Variants in AHI1 observed in about 807,000 individuals in gnomAD.
The protein encoded by AHI1 is Abelson helper integration site 1, also known as jouberin.
Under a neutral mutation model 149.3 loss-of-function variants are expected in AHI1, and 123 were observed. The ratio of observed to expected loss-of-function variants is 0.82; its 90% CI spans 0.71 to 0.96. The LOEUF is 0.96. Among genes scored for constraint, AHI1 ranks in the 40% least tolerant of loss-of-function variants. The pLI is 0.00. For synonymous variants in AHI1, 475 were observed against 459.8 expected (o/e 1.03, Z -0.42); for missense variants, 1,439 against 1,422.7 (o/e 1.01, Z -0.18).
chr6:135,435,346 C>G (rs1357289060), intron 15 of AHI1: 1 of 152,142 alleles, frequency 6.6e-6, no homozygotes, highest in Non-Finnish European at 1.5e-5. Context: ...CCCAAGATAG[C>G]TTCAAGAAAT....
At chr6:135,398,044 A>G (rs1779474687) in intron 22 of AHI1, among the ~76,000 whole-genome samples, 2 of 147,652 alleles carry the variant, frequency 1.4e-5, no homozygotes, top group South Asian at 2.1e-4. Context: ...AAAGAAACCA[A>G]TAATACCCAG....
At chr6:135,405,057 T>G (rs989365656) in intron 21 of AHI1, 80 bp from the exon 22 acceptor site, 1 of 1,191,138 alleles carries the variant, frequency 8.4e-7, no homozygotes, top group South Asian at 1.3e-5. Flanking sequence ...CAGATGTTTA[T>G]CTTCTAATAA....
At chr6:135,354,611 T>G (rs1792673243) in intron 24 of AHI1, among the ~76,000 whole-genome samples, 2 of 152,176 alleles carry the variant, frequency 1.3e-5, no homozygotes, top group Non-Finnish European at 2.9e-5. Context: ...AACTAACTTT[T>G]ACACCTGCCT....
chr6:135,493,121 C>G (rs1795489473), intron 3 of AHI1: 1 of 263,620 alleles, frequency 3.8e-6, no homozygotes, highest in Admixed American at 6.5e-5. Context: ...GCCTCAGCCT[C>G]CCGAGTGGCT....
intron 5 of AHI1, among the ~76,000 whole-genome samples, chr6:135,483,657 C>A (rs1473784295): frequency 2.6e-5 from 4 of 152,182 alleles, no homozygotes. Flanking sequence ...GAGTATCAAA[C>A]CACTCCAGAC....
intron 24 of AHI1, among the ~76,000 whole-genome samples, chr6:135,337,487 A>C (rs529699416): frequency 6.6e-6 from 1 of 152,288 alleles, no homozygotes; most frequent in South Asian, 2.1e-4. Context: ...GGCCAAGTGC[A>C]GTGGCTCATG....
intron 23 of AHI1, among the ~76,000 whole-genome samples, chr6:135,366,997 A>C (rs1205301183): frequency 1.3e-5 from 2 of 152,214 alleles, no homozygotes; most frequent in South Asian, 2.1e-4. Context: ...TCCAGTTCAA[A>C]GAATTTTTAA....
intron 5 of AHI1, chr6:135,474,674 G>C (rs940797370): frequency 6.6e-5 from 10 of 152,094 alleles, no homozygotes; most frequent in Admixed American, 6.5e-4. Flanking sequence ...CATTTATTGA[G>C]ATGATCTCAT....
At position 135,438,447 on chromosome 6, in the gene AHI1, T is replaced by C. The variant is rs1785749145; in HGVS notation, c.1964A>G (p.Asn655Ser). The part of the protein sequence containing the change: ...RFMRELCGHL[N>S]IIYDLSWSKD... ...TGACCAGGAAAGATCATAAATGATA[T>C]TGAGGTGGCCACACAATTCTCTCAT... Residue 655 changes from asparagine (N) to serine (S), a missense_variant, in exon 15 of 29, where the codon AAT becomes AGT. Transcript: ENST00000265602. 1 of 1,556,828 alleles carries C rather than the reference T, an allele frequency of 6.4e-7. No individual in the cohort carries two copies. Among genetic ancestry groups the C allele is most frequent in the African/African-American group, 1.4e-5 (1 of 73,512 alleles).
At chr6:135,446,111 T>C (rs1439049265) in intron 13 of AHI1, among the ~76,000 whole-genome samples, 2 of 151,762 alleles carry the variant, frequency 1.3e-5, no homozygotes, top group African/African-American at 4.8e-5. Flanking sequence ...TAAAAATCTA[T>C]GTTATCTGAC....
At chr6:135,434,689 T>C (rs1032636920) in intron 15 of AHI1, among the ~76,000 whole-genome samples, 2 of 151,822 alleles carry the variant, frequency 1.3e-5, no homozygotes, top group East Asian at 3.8e-4. Flanking sequence ...AAAATAAATA[T>C]ATAAATGGGT....
chr6:135,405,803 T>C (rs1399306136), intron 21 of AHI1, among the ~76,000 whole-genome samples: 4 of 141,034 alleles, frequency 2.8e-5, no homozygotes, highest in African/African-American at 8.1e-5. Flanking sequence ...GAGGTTGTAG[T>C]GAGCCAAGAT....
intron 13 of AHI1, among the ~76,000 whole-genome samples, chr6:135,444,400 TC>T (rs1403994745): frequency 6.6e-6 from 1 of 152,232 alleles, no homozygotes; most frequent in Non-Finnish European, 1.5e-5. Flanking sequence ...CACTACTTTA[TC>T]TCCTCTTTTA....
intron 23 of AHI1, among the ~76,000 whole-genome samples, chr6:135,365,714 T>C (rs1007597439): frequency 2.0e-5 from 3 of 152,200 alleles, no homozygotes; most frequent in Admixed American, 1.3e-4. Context: ...GCTTTTTGGA[T>C]GAGTCTTTAG....
chr6:135,330,580 C>A (rs777766388), intron 24 of AHI1, among the ~76,000 whole-genome samples: 2 of 152,186 alleles, frequency 1.3e-5, no homozygotes, highest in Non-Finnish European at 2.9e-5. Context: ...CTGTGATATT[C>A]ACGGTATTGC....
chr6:135,480,523 GCTACGTGGGT>G (rs1793450681), intron 5 of AHI1, among the ~76,000 whole-genome samples: 1 of 152,016 alleles, frequency 6.6e-6, no homozygotes, highest in Non-Finnish European at 1.5e-5. Flanking sequence ...CATACTTTGT[GCTACGTGGGT>G]CTTACAGTCT....
intron 8 of AHI1, among the ~76,000 whole-genome samples, chr6:135,458,991 T>C (rs1251200624): frequency 6.6e-6 from 1 of 152,150 alleles, no homozygotes; most frequent in African/African-American, 2.4e-5. Flanking sequence ...GCTGACAGAA[T>C]AAGTAGACCA....
intron 23 of AHI1, among the ~76,000 whole-genome samples, chr6:135,371,872 G>A (rs935798233): frequency 6.6e-6 from 1 of 152,168 alleles, no homozygotes; most frequent in African/African-American, 2.4e-5. Context: ...GGGTAAGCAG[G>A]CTTTTTCCAA....
chr6:135,471,115 T>G (rs1460475135), intron 5 of AHI1, among the ~76,000 whole-genome samples: 1 of 152,028 alleles, frequency 6.6e-6, no homozygotes, highest in Non-Finnish European at 1.5e-5. Context: ...CTGAAAGAAA[T>G]AATTAGAAAA....
Sources: gnomAD v4.1 joint callset for allele counts (sites outside exome capture counted in the v4.1 genomes callset) on GRCh38, gnomAD v4.1.1 for gene constraint, MANE v1.5 for transcripts, NCBI Gene and HGNC (gene_info 2026-07-23, HGNC 2026-07-21) for gene names.